Variants in CSMD3 observed in about 807,000 individuals in gnomAD.
The protein encoded by CSMD3 is CUB and Sushi multiple domains 3, also known as CUB and sushi domain-containing protein 3.
A neutral mutation model predicts 435.2 loss-of-function variants in CSMD3; 177 were observed. The observed-to-expected ratio is 0.41, with a 90% CI of 0.36 to 0.46. The LOEUF is 0.46. CSMD3 is among the 20% of genes least tolerant of loss of function. The pLI is 0.34. For missense variants in CSMD3, 4,265 were observed against 4,504.6 expected (o/e 0.95, Z 1.52); for synonymous variants, 1,656 against 1,520.5 (o/e 1.09, Z -2.07).
At chr8:112,557,012 T>A (rs945410683) in intron 24 of CSMD3, 58 bp from the exon 25 acceptor site, 4 of 1,018,702 alleles carry the variant, frequency 3.9e-6, no homozygotes, top group Non-Finnish European at 6.1e-6. Context: ...TTTAAATCTA[T>A]ACAAATCATT....
chr8:112,860,451 G>T (rs1462909948), intron 10 of CSMD3, among the ~76,000 whole-genome samples: 2 of 151,310 alleles, frequency 1.3e-5, no homozygotes, highest in African/African-American at 4.8e-5. Context: ...ACCATTATTT[G>T]CAATTCAATC....
chr8:113,066,129 GAA>G, intron 5 of CSMD3, among the ~76,000 whole-genome samples: 1 of 49,184 alleles, frequency 2.0e-5, no homozygotes, highest in Non-Finnish European at 4.4e-5. Context: ...CCAAGAAAAA[GAA>G]AAAAAAAAAA....
chr8:112,723,922 A>G (rs1474557588), intron 13 of CSMD3, among the ~76,000 whole-genome samples: 1 of 152,042 alleles, frequency 6.6e-6, no homozygotes, highest in East Asian at 1.9e-4. Flanking sequence ...GTATTGTTCT[A>G]GGCACTCGGG....
chr8:112,244,322 GT>G, intron 65 of CSMD3, 71 bp downstream of exon 65: 1 of 1,329,382 alleles, frequency 7.5e-7, no homozygotes. Flanking sequence ...TTTGAGTTGA[GT>G]TTTTGTCTGG....
rs1818640218 is a variant in CSMD3, at chr8:112,472,658, T to C, written c.5328A>G (p.Pro1776=). Residue 1776 remains proline, a synonymous_variant, in exon 32 of 71, where the codon CCA becomes CCG. Transcript: ENST00000297405. ...STGSEGTVLS[P]NYPKNYSVGH... ...CCACACTGTAATTTTTTGGATAGTT[T>C]GGTGATAGAACAGTGCCTTCTGAAC... 6.8e-6 allele frequency: 11 copies of C among 1,612,582 alleles called. No individual in the cohort carries two copies. The East Asian group carries it at 1.6e-4, about 23-fold the overall frequency.
chr8:113,243,852 T>A (rs756795347), intron 3 of CSMD3, among the ~76,000 whole-genome samples: 4 of 152,186 alleles, frequency 2.6e-5, no homozygotes, highest in Non-Finnish European at 4.4e-5. Flanking sequence ...ATTTTCCCCA[T>A]AACTAATGAT....
chr8:112,778,186 C>T (rs920595143), intron 13 of CSMD3, among the ~76,000 whole-genome samples: 5 of 151,782 alleles, frequency 3.3e-5, no homozygotes, highest in Admixed American at 6.6e-5. Context: ...ATGGTACATT[C>T]GTTAAAATTA....
chr8:112,388,039 T>A (rs1481976661), intron 36 of CSMD3, among the ~76,000 whole-genome samples: 1 of 152,118 alleles, frequency 6.6e-6, no homozygotes, highest in East Asian at 1.9e-4. Flanking sequence ...TGGAAGGTCT[T>A]CCACAGAAAA....
chr8:112,360,389 A>T (rs1179191045), intron 38 of CSMD3, among the ~76,000 whole-genome samples: 1 of 152,028 alleles, frequency 6.6e-6, no homozygotes, highest in Admixed American at 6.6e-5. Context: ...TTTAAACAAG[A>T]TTTTACATAA....
chr8:112,477,662 G>T (rs1345618425), intron 31 of CSMD3, among the ~76,000 whole-genome samples: 2 of 152,052 alleles, frequency 1.3e-5, no homozygotes, highest in Non-Finnish European at 2.9e-5. Context: ...CTCCCGCTTT[G>T]CCTTCTGCAA....
chr8:112,580,353 G>C (rs1830249968), intron 23 of CSMD3, among the ~76,000 whole-genome samples: 1 of 151,962 alleles, frequency 6.6e-6, no homozygotes, highest in South Asian at 2.1e-4. Flanking sequence ...ACATTCCCTA[G>C]ATGAGTTAAG....
At chr8:112,674,939 C>T (rs545974255) in intron 16 of CSMD3, among the ~76,000 whole-genome samples, 156 of 152,068 alleles carry the variant, frequency 1.0e-3, no homozygotes, top group Admixed American at 1.7e-3. Flanking sequence ...GACAGATATA[C>T]GGATTAGATA....
rs1301822307 is a variant in CSMD3 at position 112,234,411 on chromosome 8, G to T, written c.10694C>A (p.Ala3565Asp). The change falls in exon 68 of 71, where the codon GCT becomes GAT. Residue 3565 changes from alanine (A) to aspartate (D), a missense_variant. This residue lies in a region of CSMD3 where 3,255 missense variants were observed against 3,380.2 expected (regional missense o/e 0.96). Coordinates refer to ENST00000297405, the MANE Select transcript of CSMD3 (RefSeq NM_198123.2). ...TTCTTCCTTCATTTTCTTCACAGAA[G>T]CATGAGCAGGTACTTTAATAAGATA... The part of the protein sequence containing the change: ...RIYLIKVPAH[A>D]SVKKMKEENW... The T allele has an allele frequency of 6.2e-7, 1 of 1,613,142 alleles. No homozygotes were observed. Among genetic ancestry groups the T allele is most frequent in the Admixed American group, 1.7e-5 (1 of 59,970 alleles).
At chr8:113,151,868 T>C (rs1403979118) in intron 4 of CSMD3, among the ~76,000 whole-genome samples, 1 of 152,020 alleles carries the variant, frequency 6.6e-6, no homozygotes, top group Non-Finnish European at 1.5e-5. Context: ...TGTCAAAATA[T>C]AACAGGAAAT....
At chr8:112,622,012 T>A (rs997780051) in intron 22 of CSMD3, among the ~76,000 whole-genome samples, 1 of 152,092 alleles carries the variant, frequency 6.6e-6, no homozygotes, top group Non-Finnish European at 1.5e-5. Context: ...CTTAGAAAGG[T>A]CTGAGGTCTA....
chr8:112,823,207 T>C (rs2079577164), intron 12 of CSMD3, among the ~76,000 whole-genome samples: 1 of 152,216 alleles, frequency 6.6e-6, no homozygotes, highest in South Asian at 2.1e-4. Flanking sequence ...TCAGAAGGAA[T>C]GGTACCAGCT....
chr8:112,405,529 C>T (rs1831776350), intron 35 of CSMD3, among the ~76,000 whole-genome samples: 1 of 151,292 alleles, frequency 6.6e-6, no homozygotes, highest in South Asian at 2.1e-4. Context: ...AAATTCTAAA[C>T]TATTAAGATA....
chr8:112,827,094 A>C (rs2079705768), intron 12 of CSMD3, among the ~76,000 whole-genome samples: 1 of 143,820 alleles, frequency 7.0e-6, no homozygotes, highest in Non-Finnish European at 1.5e-5. Context: ...TTTATATTTA[A>C]CCAGTTCTAA....
chr8:113,032,510 T>A (rs1410920528), intron 5 of CSMD3, among the ~76,000 whole-genome samples: 6 of 151,460 alleles, frequency 4.0e-5, no homozygotes, highest in African/African-American at 1.5e-4. Context: ...CCAGAAGAAA[T>A]TTCTAAGAAG....
Sources: gnomAD v4.1 joint callset for allele counts (sites outside exome capture counted in the v4.1 genomes callset) on GRCh38, gnomAD v4.1.1 for gene constraint, gnomAD v4.1.1 regional missense constraint, MANE v1.5 for transcripts, NCBI Gene and HGNC (gene_info 2026-07-23, HGNC 2026-07-21) for gene names.